SORCS1: variants seen among roughly 807,000 people sequenced by gnomAD.
SORCS1 encodes the protein VPS10 domain-containing receptor SorCS1.
Under a neutral mutation model 146.1 loss-of-function variants are expected in SORCS1, and 60 were observed. That is an observed-to-expected ratio of 0.41 (90% CI 0.33 to 0.51). The LOEUF is 0.51. Ranked by LOEUF, SORCS1 falls within the 20% of genes least tolerant of loss-of-function variation. The pLI, the probability that SORCS1 is intolerant of heterozygous loss-of-function variation, is 0.21. For missense variants in SORCS1, 1,352 were observed against 1,487.6 expected (o/e 0.91, Z 1.50); for synonymous variants, 637 against 584.0 (o/e 1.09, Z -1.31).
chr10:106,873,075 G>A (rs1209955728), intron 2 of SORCS1, among the ~76,000 whole-genome samples: 1 of 152,144 alleles, frequency 6.6e-6, no homozygotes, highest in African/African-American at 2.4e-5. Context: ...TTGGGAGGCT[G>A]AGGCAGGAGA....
intron 1 of SORCS1, among the ~76,000 whole-genome samples, chr10:107,093,208 A>G (rs1964324438): frequency 6.6e-6 from 1 of 152,140 alleles, no homozygotes; most frequent in Non-Finnish European, 1.5e-5. Flanking sequence ...ACTGATTTCC[A>G]CATATATGCC....
intron 1 of SORCS1, among the ~76,000 whole-genome samples, chr10:107,144,269 T>C (rs927151426): frequency 2.0e-5 from 3 of 152,254 alleles, no homozygotes; most frequent in African/African-American, 4.8e-5. Flanking sequence ...AACTATTTAA[T>C]TCTCCCCTTA....
intron 1 of SORCS1, among the ~76,000 whole-genome samples, chr10:106,976,325 GTTTT>G (rs1554901295): frequency 4.0e-4 from 36 of 90,496 alleles, no homozygotes; most frequent in African/African-American, 2.0e-3. Flanking sequence ...CATCATCTAG[GTTTT>G]TTTGTTTTTT....
intron 2 of SORCS1, among the ~76,000 whole-genome samples, chr10:106,915,615 T>C (rs988721295): frequency 6.6e-6 from 1 of 152,180 alleles, no homozygotes; most frequent in Non-Finnish European, 1.5e-5. Flanking sequence ...GTTGTGCTTC[T>C]TGGATCCACA....
At chr10:106,647,920 T>C (rs987429500) in intron 18 of SORCS1, among the ~76,000 whole-genome samples, 9 of 152,178 alleles carry the variant, frequency 5.9e-5, no homozygotes, top group Non-Finnish European at 1.2e-4. Flanking sequence ...CAGGCTGGAG[T>C]GCTGTGGCGC....
chr10:106,598,572 T>G (rs1307749139), intron 23 of SORCS1, among the ~76,000 whole-genome samples: 4 of 152,098 alleles, frequency 2.6e-5, no homozygotes, highest in Non-Finnish European at 5.9e-5. Flanking sequence ...CTCCTATTAC[T>G]TTTATCTGGT....
chr10:107,037,458 C>T (rs71475437), intron 1 of SORCS1, among the ~76,000 whole-genome samples: 2,110 of 152,258 alleles, frequency 0.014, 28 homozygotes, highest in Middle Eastern at 0.027. Context: ...AATCAAACAA[C>T]CATAATATGT....
At chr10:106,592,922 G>C (rs1328827244) in intron 24 of SORCS1, among the ~76,000 whole-genome samples, 1 of 151,866 alleles carries the variant, frequency 6.6e-6, no homozygotes, top group Non-Finnish European at 1.5e-5. Context: ...CAGATCACTT[G>C]AGCTCAGGAG....
chr10:106,762,198 T>G (rs755628688), intron 4 of SORCS1, among the ~76,000 whole-genome samples: 2 of 152,020 alleles, frequency 1.3e-5, no homozygotes, highest in Non-Finnish European at 2.9e-5. Flanking sequence ...ATGACAGCAT[T>G]CAAATGGACA....
intron 3 of SORCS1, among the ~76,000 whole-genome samples, chr10:106,788,363 A>G (rs187336000): frequency 1.1e-4 from 16 of 152,186 alleles, no homozygotes; most frequent in Middle Eastern, 3.4e-3. Flanking sequence ...CAAAGTCTCA[A>G]CTCATTTCAG....
At chr10:106,629,137 G>T in intron 19 of SORCS1, 65 bp downstream of exon 19, 2 of 1,422,182 alleles carry the variant, frequency 1.4e-6, no homozygotes, top group Non-Finnish European at 1.9e-6. Context: ...ATAAAATTGT[G>T]AATTCAATTT....
At chr10:106,863,245 T>C (rs986627345) in intron 2 of SORCS1, among the ~76,000 whole-genome samples, 1 of 152,124 alleles carries the variant, frequency 6.6e-6, no homozygotes, top group African/African-American at 2.4e-5. Flanking sequence ...TACAGAGGGC[T>C]GGGCACGGTG....
At chr10:106,851,078 T>G (rs1949551723) in intron 2 of SORCS1, among the ~76,000 whole-genome samples, 1 of 152,246 alleles carries the variant, frequency 6.6e-6, no homozygotes, top group Non-Finnish European at 1.5e-5. Context: ...TGAAACCTAC[T>G]GAATTTCTTT....
intron 4 of SORCS1, among the ~76,000 whole-genome samples, chr10:106,772,657 C>T (rs1263971055): frequency 1.3e-5 from 2 of 152,164 alleles, no homozygotes; most frequent in African/African-American, 4.8e-5. Flanking sequence ...TGGCCATACA[C>T]ATTCTTCCCT....
At chr10:106,588,449 T>C (rs892902407) in intron 24 of SORCS1, among the ~76,000 whole-genome samples, 4 of 152,166 alleles carry the variant, frequency 2.6e-5, no homozygotes, top group African/African-American at 9.7e-5. Context: ...GAGATAGTCG[T>C]TCACCTTTCC....
chr10:106,878,599 T>G (rs1354365884), intron 2 of SORCS1, among the ~76,000 whole-genome samples: 1 of 124,896 alleles, frequency 8.0e-6, no homozygotes, highest in East Asian at 2.5e-4. Context: ...AGAAAAAAAT[T>G]TGTTTTTTAT....
chr10:107,145,067 A>G (rs1968197187), intron 1 of SORCS1, among the ~76,000 whole-genome samples: 1 of 152,198 alleles, frequency 6.6e-6, no homozygotes, highest in South Asian at 2.1e-4. Flanking sequence ...CAGTGGATGC[A>G]GGGGGAGGTG....
chr10:106,779,657 T>C (rs888330899), intron 3 of SORCS1, among the ~76,000 whole-genome samples: 1 of 151,508 alleles, frequency 6.6e-6, no homozygotes, highest in Non-Finnish European at 1.5e-5. Flanking sequence ...TCCTGGCTAA[T>C]TTTTGTATTT....
chr10:107,130,541 A>G (rs1412319710), intron 1 of SORCS1, among the ~76,000 whole-genome samples: 2 of 152,234 alleles, frequency 1.3e-5, no homozygotes, highest in Non-Finnish European at 2.9e-5. Context: ...GGAGTTCAAC[A>G]TCGTAACAAC....
Sources: gnomAD v4.1 joint callset for allele counts (sites outside exome capture counted in the v4.1 genomes callset) on GRCh38, gnomAD v4.1.1 for gene constraint, MANE v1.5 for transcripts, NCBI Gene and HGNC (gene_info 2026-07-23, HGNC 2026-07-21) for gene names.